Variants in HCN1 observed in about 807,000 individuals in gnomAD.
The protein encoded by HCN1 is hyperpolarization activated cyclic nucleotide gated potassium channel 1.
A neutral mutation model predicts 78.9 loss-of-function variants in HCN1; 13 were observed. The ratio of observed to expected loss-of-function variants is 0.16; its 90% CI spans 0.11 to 0.26. The LOEUF is 0.26. HCN1 is among the 10% of genes least tolerant of loss of function. The pLI, the probability that HCN1 is intolerant of heterozygous loss-of-function variation, is 1.00. For synonymous variants in HCN1, 552 were observed against 455.5 expected, an observed-to-expected ratio of 1.21 and a Z score of -2.70; for missense variants, 810 against 1,154.3, an observed-to-expected ratio of 0.70 and a Z score of 4.32.
At chr5:45,265,686 G>A (rs997619843) in intron 7 of HCN1, among the ~76,000 whole-genome samples, 1 of 152,136 alleles carries the variant, frequency 6.6e-6, no homozygotes, top group Non-Finnish European at 1.5e-5. Flanking sequence ...TGAAGCAGTT[G>A]AGGTACCTCC....
At chr5:45,386,660 A>G (rs1385355266) in intron 4 of HCN1, among the ~76,000 whole-genome samples, 3 of 152,192 alleles carry the variant, frequency 2.0e-5, no homozygotes, top group Admixed American at 2.0e-4. Flanking sequence ...AAAATTGTTC[A>G]GTGCTCTAAT....
At chr5:45,561,762 G>T (rs1743608095) in intron 2 of HCN1, among the ~76,000 whole-genome samples, 1 of 152,058 alleles carries the variant, frequency 6.6e-6, no homozygotes, top group African/African-American at 2.4e-5. Context: ...GACTTCCAGG[G>T]ATAGGACAGG....
chr5:45,536,602 C>T (rs1380779619), intron 2 of HCN1, among the ~76,000 whole-genome samples: 1 of 152,010 alleles, frequency 6.6e-6, no homozygotes. Context: ...CCATTAAGTC[C>T]TTGAAAATGT....
rs143682760 is a variant in HCN1 at position 45,325,207 on chromosome 5, C to T, written c.1378-21368G>A. ...TATTTAGAGGAAGACAGCACCTCTG[C>T]GGACTCATTTATGGTATTTTTTCTA... On this transcript the variant is annotated intron_variant, in intron 5 of 7. Coordinates refer to ENST00000303230, the MANE Select transcript of HCN1 (RefSeq NM_021072.4). Among the ~76,000 whole-genome samples, 1,434 of 151,764 alleles carry T rather than the reference C, an allele frequency of 9.4e-3. 16 individuals carry two copies. The highest frequency in any genetic ancestry group is 0.03 in the South Asian group (147 of 4,824).
At position 45,478,534 on chromosome 5, in the gene HCN1, T is replaced by C. The variant is rs1399692464; in HGVS notation, c.850-16527A>G. On this transcript the variant is annotated intron_variant, in intron 2 of 7. Transcript: ENST00000303230. The stretch of plus-strand genomic sequence containing the variant: ...CATCAGCACAGGTAGGCCTCATTTT[T>C]AAAAAGGTTGGATAAGGTGATAGTT... Among the ~76,000 whole-genome samples the C allele has an allele frequency of 3.3e-5, 5 of 152,102 alleles. No individual in the cohort carries two copies. The East Asian group carries it at 9.6e-4, about 29-fold the overall frequency.
intron 2 of HCN1, among the ~76,000 whole-genome samples, chr5:45,597,783 C>G (rs939285232): frequency 4.6e-5 from 7 of 151,778 alleles, no homozygotes; most frequent in African/African-American, 1.2e-4. Flanking sequence ...AACAGACAGA[C>G]AGCCAAATCA....
At chr5:45,382,887 T>C (rs1747837228) in intron 4 of HCN1, among the ~76,000 whole-genome samples, 9 of 152,180 alleles carry the variant, frequency 5.9e-5, no homozygotes, top group Admixed American at 4.6e-4. Context: ...GGGACTTTAT[T>C]GTAATGTTAG....
chr5:45,596,679 G>A (rs1744505630), intron 2 of HCN1, among the ~76,000 whole-genome samples: 1 of 152,168 alleles, frequency 6.6e-6, no homozygotes, highest in South Asian at 2.1e-4. Flanking sequence ...ATCCCTAGGT[G>A]AGGTTGAAGT....
chr5:45,536,483 A>C (rs979721642), intron 2 of HCN1, among the ~76,000 whole-genome samples: 6 of 151,564 alleles, frequency 4.0e-5, no homozygotes, highest in African/African-American at 1.5e-4. Flanking sequence ...TCCTTTTTTC[A>C]TTTCAGTTAC....
At chr5:45,425,083 T>C (rs1561149787) in intron 3 of HCN1, among the ~76,000 whole-genome samples, 1 of 152,202 alleles carries the variant, frequency 6.6e-6, no homozygotes, top group African/African-American at 2.4e-5. Context: ...CCTGGCACAC[T>C]GTAACTGACA....
chr5:45,347,337 A>G (rs1746764673), intron 5 of HCN1, among the ~76,000 whole-genome samples: 1 of 152,170 alleles, frequency 6.6e-6, no homozygotes, highest in Non-Finnish European at 1.5e-5. Context: ...TAACAAACAC[A>G]AAGGACATCC....
chr5:45,650,014 A>G (rs1745646820), intron 1 of HCN1, among the ~76,000 whole-genome samples: 1 of 152,088 alleles, frequency 6.6e-6, no homozygotes, highest in Admixed American at 6.6e-5. Flanking sequence ...AAAAAACAAA[A>G]GAGTTGTGTA....
At chr5:45,471,413 C>G (rs1741386219) in intron 2 of HCN1, among the ~76,000 whole-genome samples, 1 of 151,940 alleles carries the variant, frequency 6.6e-6, no homozygotes, top group Admixed American at 6.6e-5. Flanking sequence ...TTTGCAGACT[C>G]AGTTGTAGCA....
intron 6 of HCN1, among the ~76,000 whole-genome samples, chr5:45,298,713 G>C (rs1298382375): frequency 2.0e-5 from 3 of 151,992 alleles, no homozygotes; most frequent in Non-Finnish European, 2.9e-5. Flanking sequence ...AATTATTTAT[G>C]TCATACGTGG....
chr5:45,390,665 C>T (rs1739534966), intron 4 of HCN1, among the ~76,000 whole-genome samples: 1 of 152,036 alleles, frequency 6.6e-6, no homozygotes, highest in Admixed American at 6.6e-5. Flanking sequence ...AAAAGGGATG[C>T]CATATGCCAC....
chr5:45,560,175 T>C (rs1743565748), intron 2 of HCN1, among the ~76,000 whole-genome samples: 1 of 152,194 alleles, frequency 6.6e-6, no homozygotes, highest in Non-Finnish European at 1.5e-5. Flanking sequence ...CTTGCTTTAT[T>C]GCTATATTTG....
chr5:45,323,184 A>G (rs948789356), intron 5 of HCN1, among the ~76,000 whole-genome samples: 10 of 151,878 alleles, frequency 6.6e-5, no homozygotes, highest in African/African-American at 2.2e-4. Context: ...CAGCATCCAA[A>G]TCAAGATGTG....
intron 5 of HCN1, among the ~76,000 whole-genome samples, chr5:45,329,680 T>C (rs1746306470): frequency 6.6e-6 from 1 of 151,460 alleles, no homozygotes; most frequent in African/African-American, 2.4e-5. Context: ...TATTTTGGAA[T>C]CTTTTTTAAA....
chr5:45,612,670 T>C (rs1390506610), intron 2 of HCN1, among the ~76,000 whole-genome samples: 1 of 152,172 alleles, frequency 6.6e-6, no homozygotes, highest in African/African-American at 2.4e-5. Context: ...CCTGCTACAC[T>C]GATGAACCCT....
Sources: gnomAD v4.1 joint callset for allele counts (sites outside exome capture counted in the v4.1 genomes callset) on GRCh38, gnomAD v4.1.1 for gene constraint, MANE v1.5 for transcripts, NCBI Gene and HGNC (gene_info 2026-07-23, HGNC 2026-07-21) for gene names.